Variants in TRMT61A observed in about 807,000 individuals in gnomAD.
The protein encoded by TRMT61A is tRNA methyltransferase 61A.
A neutral mutation model predicts 21.3 loss-of-function variants in TRMT61A; 15 were observed. The observed-to-expected ratio is 0.70, with a 90% CI of 0.47 to 1.08. The LOEUF (loss-of-function observed/expected upper bound fraction) is 1.08, where lower values mean the gene tolerates loss of function less well. Ranked by LOEUF, TRMT61A falls within the 50% of genes least tolerant of loss-of-function variation. The pLI is 0.00. For missense variants in TRMT61A, 352 were observed against 426.7 expected (o/e 0.83, Z 1.54); for synonymous variants, 183 against 185.5 (o/e 0.99, Z 0.11).
chr14:103,529,922 GCT>G (rs1464400911), intron 1 of TRMT61A, 26 bp from the exon 2 acceptor site: 3 of 1,503,344 alleles, frequency 2.0e-6, no homozygotes, highest in Non-Finnish European at 2.7e-6. Flanking sequence ...CTCCTGACTT[GCT>G]CATGCCTACA....
rs924141251 is a variant in TRMT61A, at chr14:103,535,373, G to A, written c.*552G>A. The A allele has an allele frequency of 4.4e-6, 2 of 456,288 alleles. No individual in the cohort carries two copies. The highest frequency in any genetic ancestry group is 2.0e-5 in the African/African-American group (1 of 50,086). The allele number at this position is 456,288 out of a possible 1,614,324, so 28.3% of individuals were successfully genotyped here. ...AGCGCTAGGAGACCAGGCCAGCCCA[G>A]GAACCAGGGAGGTGACCCTGCTCTC... On this transcript the variant is annotated 3_prime_UTR_variant, in exon 4 of 4. Transcript: ENST00000389749.
In TRMT61A at chr14:103,534,801, G is replaced by T; in HGVS notation, c.850G>T (p.Ala284Ser). 6.4e-7 allele frequency: 1 copy of T among 1,554,982 alleles called. No individual in the cohort carries two copies. The highest frequency in any genetic ancestry group is 1.2e-5 in the South Asian group (1 of 85,674). The change falls in exon 4 of 4, where the codon GCC (alanine) becomes TCC (serine). Residue 284 changes from alanine to serine, a missense_variant. By Grantham distance (99) the Ala-to-Ser change is moderately conservative (BLOSUM62 1). Transcript: ENST00000389749. ...GGGCCACACCGGCTACCTGACCTTC[G>T]CCACCAAGACCCCAGGCTAGGGGGC... ...AVGHTGYLTF[A>S]TKTPG
rs1200459682 is a variant in TRMT61A at position 103,531,434 on chromosome 14, C to T, written c.331+1125C>T. ...GCACCAAGGAGGAGCCGTGCCGAGG[C>T]CCTGCAGTTGGAGCATGCTGCCGAG... is the stretch of plus-strand genomic sequence containing the variant. On this transcript the variant is annotated intron_variant, in intron 2 of 3. Transcript: ENST00000389749. The surrounding 1 kb of genome is among the most constrained non-coding windows in gnomAD (Gnocchi z 5.1). Among the ~76,000 whole-genome samples, 1 of 152,198 alleles carries T rather than the reference C, an allele frequency of 6.6e-6. No individual in the cohort carries two copies. The highest frequency in any genetic ancestry group is 2.4e-5 in the African/African-American group (1 of 41,446).
At position 103,534,964 on chromosome 14, in the gene TRMT61A, G is replaced by A; in HGVS notation, c.*143G>A. 9.3e-7 allele frequency: 1 copy of A among 1,076,788 alleles called. No individual in the cohort carries two copies. 66.7% of individuals were successfully genotyped at this position (1,076,788 alleles called of 1,614,324 possible). On this transcript the variant is annotated 3_prime_UTR_variant, in exon 4 of 4. Transcript: ENST00000389749. ...GGGGCCTCCTGGGTGGCCAGAGTGG[G>A]ACAGCAGGAAGGGCGGCTGTGATGG...
At chr14:103,530,837 C>T (rs549841892) in intron 2 of TRMT61A, among the ~76,000 whole-genome samples, 4 of 152,328 alleles carry the variant, frequency 2.6e-5, no homozygotes, top group East Asian at 1.9e-4. Flanking sequence ...GTGCTGGGGC[C>T]GCCCAGTGTG....
chr14:103,531,327 G>A lies in TRMT61A; in HGVS notation c.331+1018G>A, dbSNP rs1425315023. 1.3e-5 allele frequency among the ~76,000 whole-genome samples: 2 copies of A among 152,194 alleles called. No homozygotes were observed. The highest frequency in any genetic ancestry group is 2.9e-5 in the Non-Finnish European group (2 of 68,032). ...GAGTGGGGACTCTCCAGCTAGGCCAGGCAGGGAAGACCTCTCTGAGGAGGG... is the reference window on the plus strand; with the variant it reads ...GAGTGGGGACTCTCCAGCTAGGCCAAGCAGGGAAGACCTCTCTGAGGAGGG... On this transcript the variant is annotated intron_variant, in intron 2 of 3. Transcript: ENST00000389749. The surrounding 1 kb of genome is among the most constrained non-coding windows in gnomAD (Gnocchi z 5.1).
At chr14:103,532,487 G>T in intron 2 of TRMT61A, 95 bp from the exon 3 acceptor site, 1 of 1,469,498 alleles carries the variant, frequency 6.8e-7, no homozygotes, top group Non-Finnish European at 9.4e-7. Flanking sequence ...AGCCCTGTGT[G>T]GGTCTCCAGG....
Position 103,535,351 on chromosome 14 carries a change from G to A in TRMT61A, c.*530G>A, listed in dbSNP as rs749664093. On this transcript the variant is annotated 3_prime_UTR_variant, in exon 4 of 4. Coordinates refer to ENST00000389749, the MANE Select transcript of TRMT61A (RefSeq NM_152307.3). ...GAATCCCTGCCCTGCTCTCCCCAGC[G>A]CTAGGAGACCAGGCCAGCCCAGGAA... 1 of 456,496 alleles carries A rather than the reference G, an allele frequency of 2.2e-6. No homozygotes were observed. Among genetic ancestry groups the A allele is most frequent in the African/African-American group, 2.0e-5 (1 of 50,078 alleles). The allele number at this position is 456,496 out of a possible 1,614,324, so 28.3% of individuals were successfully genotyped here.
At position 103,531,789 on chromosome 14, in the gene TRMT61A, C is replaced by G. The variant is rs996874680; in HGVS notation, c.332-793C>G. 2.0e-5 allele frequency among the ~76,000 whole-genome samples: 3 copies of G among 152,156 alleles called. No individual in the cohort carries two copies. The highest frequency in any genetic ancestry group is 1.3e-4 in the Admixed American group (2 of 15,290). On this transcript the variant is annotated intron_variant, in intron 2 of 3. Transcript: ENST00000389749. This position sits in a 1 kb window ranked among gnomAD's most constrained non-coding sequence, Gnocchi z 5.1. ...GGGTGGCAAGTGTGCAGTGGCTGCT[C>G]TAGCAGGAGTCTCCAGTGGAGGGGC...
At chr14:103,533,094 G>T (rs1357416311) in intron 3 of TRMT61A, among the ~76,000 whole-genome samples, 1 of 152,226 alleles carries the variant, frequency 6.6e-6, no homozygotes, top group East Asian at 1.9e-4. Context: ...CCTGATGGAG[G>T]AAGGTGGCAG....
intron 2 of TRMT61A, among the ~76,000 whole-genome samples, chr14:103,532,322 C>T (rs1297507270): frequency 1.3e-5 from 2 of 152,158 alleles, no homozygotes; most frequent in African/African-American, 2.4e-5. Flanking sequence ...CCACTGGCCT[C>T]GCCTGTGCCC....
In TRMT61A at chr14:103,530,483, G is replaced by A. The variant is rs753281149; in HGVS notation, c.331+174G>A. Among the ~76,000 whole-genome samples the A allele has an allele frequency of 1.6e-4, 24 of 152,254 alleles. 1 individual carries two copies. Among genetic ancestry groups the A allele is most frequent in the Admixed American group, 4.6e-4 (7 of 15,292 alleles). Reference sequence around the variant, plus strand: ...TGGAGGCAGAGAAGCCCGTTAGGAGGCTGGTGCTGTAACTGGAGTGAGAGG... The same window carrying A: ...TGGAGGCAGAGAAGCCCGTTAGGAGACTGGTGCTGTAACTGGAGTGAGAGG... On this transcript the variant is annotated intron_variant, in intron 2 of 3. Transcript: ENST00000389749.
At chr14:103,534,236 G>T (rs940304516) in intron 3 of TRMT61A, among the ~76,000 whole-genome samples, 1 of 152,262 alleles carries the variant, frequency 6.6e-6, no homozygotes, top group African/African-American at 2.4e-5. Flanking sequence ...CCTGTGGAAG[G>T]CAGGAGAGCA....
Position 103,535,238 on chromosome 14 carries a change from G to A in TRMT61A, c.*417G>A. On this transcript the variant is annotated 3_prime_UTR_variant, in exon 4 of 4. Coordinates refer to ENST00000389749, the MANE Select transcript of TRMT61A (RefSeq NM_152307.3). ...CCCCTGGGCCCCCACGGCCCTGGCT[G>A]CCCCACGGGGCCTGAGACCATCTCG... The A allele has an allele frequency of 2.2e-6, 1 of 459,418 alleles. No homozygotes were observed. The highest frequency in any genetic ancestry group is 4.3e-6 in the Non-Finnish European group (1 of 230,150). 28.5% of individuals were successfully genotyped at this position (459,418 alleles called of 1,614,324 possible). A position where few individuals can be genotyped will look rare whatever the true frequency, so the allele number is the denominator to read the frequency against.
chr14:103,533,289 A>C (rs1437373887), intron 3 of TRMT61A, among the ~76,000 whole-genome samples: 2 of 152,188 alleles, frequency 1.3e-5, no homozygotes, highest in Non-Finnish European at 2.9e-5. Flanking sequence ...GGTGGCTGGG[A>C]GGCCCAGGGT....
intron 3 of TRMT61A, among the ~76,000 whole-genome samples, chr14:103,534,266 T>G (rs1232767517): frequency 1.3e-5 from 2 of 152,226 alleles, no homozygotes; most frequent in Non-Finnish European, 2.9e-5. Flanking sequence ...GTGGGCCAAG[T>G]GAGACAATGG....
In TRMT61A at chr14:103,535,562, G is replaced by A. The variant is rs79854316; in HGVS notation, c.*741G>A. On this transcript the variant is annotated 3_prime_UTR_variant, in exon 4 of 4. Coordinates refer to ENST00000389749, the MANE Select transcript of TRMT61A (RefSeq NM_152307.3). ...GGAGCGGCAGAGTGGGTTGTCTGCC[G>A]CAGGCAACCAGGCAAGTGTGTCGGG... 3.4e-3 allele frequency: 1,135 copies of A among 333,938 alleles called. 14 individuals are homozygous for A. Among genetic ancestry groups the A allele is most frequent in the East Asian group, 0.023 (272 of 11,650 alleles). The allele number at this position is 333,938 out of a possible 1,614,324, so 20.7% of individuals were successfully genotyped here. A position where few individuals can be genotyped will look rare whatever the true frequency, so the allele number is the denominator to read the frequency against.
In TRMT61A at chr14:103,536,337, A is replaced by G. The variant is rs962762524; in HGVS notation, c.*1516A>G. ...GTATGCGCCCCTGAAGGAAGGGTCC[A>G]CTCCAGGCCGCCTGGTCCCTGCGAA... On this transcript the variant is annotated 3_prime_UTR_variant, in exon 4 of 4. Transcript: ENST00000389749. 6.6e-5 allele frequency: 10 copies of G among 151,726 alleles called. No individual in the cohort carries two copies. Among genetic ancestry groups the G allele is most frequent in the African/African-American group, 1.9e-4 (8 of 41,198 alleles). 9.4% of individuals were successfully genotyped at this position (151,726 alleles called of 1,614,324 possible).
At position 103,534,800 on chromosome 14, in the gene TRMT61A, C is replaced by T. The variant is rs568151978; in HGVS notation, c.849C>T (p.Phe283=). Residue 283 remains phenylalanine (F), a synonymous_variant, in exon 4 of 4, where the codon TTC becomes TTT. Coordinates refer to ENST00000389749, the MANE Select transcript of TRMT61A (RefSeq NM_152307.3). ...EAVGHTGYLT[F]ATKTPG is the part of the protein sequence containing the mutation. ...TGGGCCACACCGGCTACCTGACCTT[C>T]GCCACCAAGACCCCAGGCTAGGGGG... 2.4e-5 allele frequency: 38 copies of T among 1,555,462 alleles called. No individual in the cohort carries two copies. The African/African-American group carries it at 3.4e-4, about 14-fold the overall frequency.
Sources: allele counts gnomAD v4.1 joint callset (sites outside exome capture counted in the v4.1 genomes callset), GRCh38; gene constraint gnomAD v4.1.1; non-coding constraint Gnocchi (gnomAD v3.1); transcripts MANE v1.5; gene names NCBI Gene and HGNC (gene_info 2026-07-23, HGNC 2026-07-21).